The following FOXP4 variants were observed in gnomAD, a reference collection of about 807,000 sequenced individuals.
FOXP4 encodes the protein forkhead box P4.
Under a neutral mutation model 82.6 loss-of-function variants are expected in FOXP4, and 25 were observed. That is an observed-to-expected ratio of 0.30 (90% CI 0.22 to 0.42). FOXP4 has a LOEUF of 0.42. Ranked by LOEUF, FOXP4 falls within the 10% of genes least tolerant of loss-of-function variation. FOXP4 has a pLI of 1.00. For synonymous variants in FOXP4, 415 were observed against 388.2 expected, an observed-to-expected ratio of 1.07 and a Z score of -0.81; for missense variants, 785 against 900.9, an observed-to-expected ratio of 0.87 and a Z score of 1.65.
chr6:41,581,407 A>G (rs1765794250), intron 3 of FOXP4, among the ~76,000 whole-genome samples: 1 of 152,168 alleles, frequency 6.6e-6, no homozygotes, highest in African/African-American at 2.4e-5. Context: ...GGGTGGGTGC[A>G]GGGTCCCTGA....
At chr6:41,559,601 A>G (rs771177901) in intron 1 of FOXP4, among the ~76,000 whole-genome samples, 5 of 152,204 alleles carry the variant, frequency 3.3e-5, no homozygotes, top group Admixed American at 6.5e-5. Context: ...GCATCTAAGG[A>G]CACTGCTGCA....
chr6:41,574,292 A>G (rs948322317), intron 2 of FOXP4, among the ~76,000 whole-genome samples: 7 of 152,176 alleles, frequency 4.6e-5, no homozygotes, highest in African/African-American at 1.2e-4. Context: ...CAGTGGAGTA[A>G]GCCCTGAGCA....
At chr6:41,564,381 T>C (rs1311618747) in intron 1 of FOXP4, among the ~76,000 whole-genome samples, 1 of 152,154 alleles carries the variant, frequency 6.6e-6, no homozygotes, top group Non-Finnish European at 1.5e-5. Context: ...ATTGTGCCAC[T>C]GCACTCTGGC....
chr6:41,577,924 C>G (rs1765576883), intron 2 of FOXP4, 62 bp from the exon 3 acceptor site: 1 of 1,270,590 alleles, frequency 7.9e-7, no homozygotes, highest in East Asian at 2.4e-5. Flanking sequence ...CCCAAACACT[C>G]CCTAATCCCT....
chr6:41,561,746 A>G (rs529447164), intron 1 of FOXP4, among the ~76,000 whole-genome samples: 1 of 152,350 alleles, frequency 6.6e-6, no homozygotes, highest in East Asian at 1.9e-4. Flanking sequence ...ACCAGTATTC[A>G]CTTAAGTACT....
intron 1 of FOXP4, among the ~76,000 whole-genome samples, chr6:41,560,334 A>G (rs1229834503): frequency 6.6e-6 from 1 of 152,184 alleles, no homozygotes; most frequent in African/African-American, 2.4e-5. Flanking sequence ...GGGGCTAGAC[A>G]CCAACTTACA....
At chr6:41,585,321 A>G in intron 4 of FOXP4, 110 bp from the exon 5 acceptor site, 1 of 1,120,186 alleles carries the variant, frequency 8.9e-7, no homozygotes, top group Non-Finnish European at 1.3e-6. Context: ...AAGCCAGACC[A>G]TGTTTTAGGG....
chr6:41,571,985 C>T (rs1765224439), intron 2 of FOXP4, among the ~76,000 whole-genome samples: 1 of 152,120 alleles, frequency 6.6e-6, no homozygotes, highest in Non-Finnish European at 1.5e-5. Context: ...ATTAGGCATC[C>T]ATTGTTTACC....
At chr6:41,555,700 G>T (rs935571061) in intron 1 of FOXP4, among the ~76,000 whole-genome samples, 1 of 152,134 alleles carries the variant, frequency 6.6e-6, no homozygotes, top group Non-Finnish European at 1.5e-5. Flanking sequence ...CTTGGCATTC[G>T]GCTCCTCTTG....
chr6:41,590,970 CCTT>C (rs1766480353), intron 12 of FOXP4, among the ~76,000 whole-genome samples: 1 of 152,220 alleles, frequency 6.6e-6, no homozygotes, highest in Non-Finnish European at 1.5e-5. Flanking sequence ...CAGCTCCAAT[CCTT>C]CTTGTACAAA....
Position 41,597,939 on chromosome 6 carries a change from G to A in FOXP4, c.1884G>A (p.Pro628=), listed in dbSNP as rs147579191. The change falls in exon 16 of 17, where the codon CCG becomes CCA. Residue 628 remains proline, a synonymous_variant. Transcript: ENST00000307972. ...NGSSSPPRLS[P]PQYSHQVQVK... is the part of the protein sequence containing the mutation. ...GCAGCAGCCCTCCTCGCCTCTCCCC[G>A]CCCCAGTACAGGTGAGCACACAGCA... 3.0e-3 allele frequency: 4,634 copies of A among 1,543,230 alleles called. 136 individuals carry two copies. In the African/African-American group the frequency reaches 0.057, roughly 19 times the overall value.
At chr6:41,595,138 C>A in intron 14 of FOXP4, 147 bp downstream of exon 14, 2 of 1,241,612 alleles carry the variant, frequency 1.6e-6, no homozygotes, top group Non-Finnish European at 2.2e-6. Flanking sequence ...GCAGAGGAGA[C>A]TAGTGCTTGG....
At chr6:41,581,379 C>G (rs868122878) in intron 3 of FOXP4, among the ~76,000 whole-genome samples, 1 of 152,206 alleles carries the variant, frequency 6.6e-6, no homozygotes, top group Non-Finnish European at 1.5e-5. Flanking sequence ...ACCGTCCAGC[C>G]GAGCACGCTG....
intron 2 of FOXP4, among the ~76,000 whole-genome samples, chr6:41,569,518 T>A (rs1366586329): frequency 6.6e-6 from 1 of 152,222 alleles, no homozygotes; most frequent in Non-Finnish European, 1.5e-5. Context: ...CAAATACCCT[T>A]AGGACTCTCT....
In FOXP4 at chr6:41,598,796, G is replaced by T. The variant is rs1037717305; in HGVS notation, c.1903G>T (p.Val635Leu). 5.1e-6 allele frequency: 8 copies of T among 1,560,658 alleles called. No individual in the cohort carries two copies. Among genetic ancestry groups the T allele is most frequent in the South Asian group, 2.4e-5 (2 of 84,730 alleles). The change falls in exon 17 of 17, where the codon GTG (valine) becomes TTG (leucine). Residue 635 changes from valine to leucine, a missense_variant. This residue lies in a region of FOXP4 where 184 missense variants were observed against 187.3 expected (regional missense o/e 0.98). Transcript: ENST00000307972. ...RLSPPQYSHQVQVKEEPAEAE... is the reference protein window; with the variant it reads ...RLSPPQYSHQLQVKEEPAEAE... ...GCCATACTTTTGCCTCAGCCACCAG[G>T]TGCAGGTGAAGGAGGAGCCAGCAGA... is the stretch of plus-strand genomic sequence containing the variant.
chr6:41,579,935 C>G (rs2127379578), intron 3 of FOXP4, among the ~76,000 whole-genome samples: 1 of 152,172 alleles, frequency 6.6e-6, no homozygotes, highest in African/African-American at 2.4e-5. Flanking sequence ...CTAGCCCCAT[C>G]TTGCAGATGA....
intron 14 of FOXP4, among the ~76,000 whole-genome samples, chr6:41,596,950 C>T (rs1004974190): frequency 6.6e-6 from 1 of 152,112 alleles, no homozygotes; most frequent in Non-Finnish European, 1.5e-5. Flanking sequence ...CCAAGCCCAT[C>T]GCACCCACCT....
At chr6:41,574,605 G>T (rs1279896261) in intron 2 of FOXP4, among the ~76,000 whole-genome samples, 1 of 152,186 alleles carries the variant, frequency 6.6e-6, no homozygotes, top group Non-Finnish European at 1.5e-5. Context: ...GACAACATCT[G>T]TGCTTTCAAG....
At chr6:41,597,628 T>C (rs1023023974) in intron 15 of FOXP4, among the ~76,000 whole-genome samples, 153 bp from the exon 16 acceptor site, 4 of 151,956 alleles carry the variant, frequency 2.6e-5, no homozygotes, top group Non-Finnish European at 5.9e-5. Flanking sequence ...AAAGGCTGAG[T>C]TGGGGCTTGG....
Sources: allele counts gnomAD v4.1 joint callset (sites outside exome capture counted in the v4.1 genomes callset), GRCh38; gene constraint gnomAD v4.1.1; regional missense constraint gnomAD v4.1.1; transcripts MANE v1.5; gene names NCBI Gene and HGNC (gene_info 2026-07-23, HGNC 2026-07-21).